Variants in ERBB4 observed in about 807,000 individuals in gnomAD.
ERBB4 encodes the protein erb-b2 receptor tyrosine kinase 4, also known as receptor tyrosine-protein kinase erbB-4.
In ERBB4, 42 loss-of-function variants were observed where a neutral mutation model predicts 158.0. That is an observed-to-expected ratio of 0.27 (90% CI 0.21 to 0.34). ERBB4 has a LOEUF of 0.34. ERBB4 is among the 10% of genes least tolerant of loss of function. ERBB4 has a pLI of 1.00. For synonymous variants in ERBB4, 583 were observed against 558.7 expected (o/e 1.04, Z -0.61); for missense variants, 1,333 against 1,624.1 (o/e 0.82, Z 3.08).
intron 2 of ERBB4, among the ~76,000 whole-genome samples, chr2:212,068,699 C>A (rs2078015696): frequency 6.6e-6 from 1 of 152,058 alleles, no homozygotes; most frequent in Non-Finnish European, 1.5e-5. Context: ...TCTCTGCTTT[C>A]TTCAGACCCT....
intron 1 of ERBB4, among the ~76,000 whole-genome samples, chr2:212,393,541 T>C (rs963674836): frequency 6.6e-6 from 1 of 152,116 alleles, no homozygotes; most frequent in African/African-American, 2.4e-5. Context: ...TTATTTACAT[T>C]ACTTCATTCT....
At chr2:212,329,732 C>A (rs2088041273) in intron 1 of ERBB4, among the ~76,000 whole-genome samples, 1 of 151,998 alleles carries the variant, frequency 6.6e-6, no homozygotes, top group South Asian at 2.1e-4. Flanking sequence ...CTTCTGCTGG[C>A]CTAGTGTCAC....
chr2:211,713,785 T>C, intron 7 of ERBB4, 137 bp from the exon 8 acceptor site: 1 of 643,424 alleles, frequency 1.6e-6, no homozygotes. Context: ...TAAACAACTC[T>C]TTGTTTAAAT....
At chr2:211,735,052 C>A (rs1441884899) in intron 5 of ERBB4, among the ~76,000 whole-genome samples, 1 of 151,568 alleles carries the variant, frequency 6.6e-6, no homozygotes, top group African/African-American at 2.4e-5. Flanking sequence ...AGAACAAAAT[C>A]CCACAACTTT....
At chr2:212,044,044 T>C (rs751752221) in intron 2 of ERBB4, among the ~76,000 whole-genome samples, 16 of 152,108 alleles carry the variant, frequency 1.1e-4, no homozygotes, top group Admixed American at 3.3e-4. Context: ...ATATTTGATC[T>C]GGAAAAGGTC....
intron 1 of ERBB4, among the ~76,000 whole-genome samples, chr2:212,179,492 T>C (rs1414526899): frequency 6.6e-6 from 1 of 151,452 alleles, no homozygotes; most frequent in East Asian, 1.9e-4. Context: ...GGTAGATAAA[T>C]TCTAGGAGAG....
chr2:212,537,538 C>A (rs1347255654), intron 1 of ERBB4, among the ~76,000 whole-genome samples: 1 of 152,188 alleles, frequency 6.6e-6, no homozygotes, highest in Non-Finnish European at 1.5e-5. Context: ...TCGAGCTCTC[C>A]AGCAAGCAGT....
In ERBB4 at chr2:211,988,946, C is replaced by T. The variant is rs144652031; in HGVS notation, c.235-41330G>A. On this transcript the variant is annotated intron_variant, in intron 2 of 27. Transcript: ENST00000342788. ...AATCTATTTTTTTCTAAAATGAAACCCCATGAATGAATTTTAACAGCATTT... is the reference window on the plus strand; with the variant it reads ...AATCTATTTTTTTCTAAAATGAAACTCCATGAATGAATTTTAACAGCATTT... Among the ~76,000 whole-genome samples, 9 of 151,970 alleles carry T rather than the reference C, an allele frequency of 5.9e-5. No individual in the cohort carries two copies. In the East Asian group the frequency reaches 1.7e-3, roughly 29 times the overall value.
chr2:211,546,171 T>A (rs1306410167), intron 20 of ERBB4, among the ~76,000 whole-genome samples: 1 of 152,034 alleles, frequency 6.6e-6, no homozygotes, highest in Non-Finnish European at 1.5e-5. Flanking sequence ...ATAATAGCTA[T>A]CAACATTCTA....
At chr2:212,163,466 C>T (rs2081261447) in intron 1 of ERBB4, among the ~76,000 whole-genome samples, 1 of 152,046 alleles carries the variant, frequency 6.6e-6, no homozygotes, top group Non-Finnish European at 1.5e-5. Context: ...CAACTAAACT[C>T]TTGATCTAAC....
intron 3 of ERBB4, among the ~76,000 whole-genome samples, chr2:211,865,276 C>T (rs1052856790): frequency 6.6e-6 from 1 of 151,240 alleles, no homozygotes; most frequent in Non-Finnish European, 1.5e-5. Flanking sequence ...TTGGAAAAAA[C>T]CTGTCCTGAC....
At chr2:211,795,929 A>G (rs1254547949) in intron 3 of ERBB4, among the ~76,000 whole-genome samples, 1 of 151,986 alleles carries the variant, frequency 6.6e-6, no homozygotes, top group Non-Finnish European at 1.5e-5. Context: ...TCTCTGTTAT[A>G]GTGACTCAAA....
intron 3 of ERBB4, among the ~76,000 whole-genome samples, chr2:211,901,585 C>T (rs568675465): frequency 1.4e-4 from 21 of 152,284 alleles, no homozygotes; most frequent in Middle Eastern, 6.8e-3. Context: ...GCCACCTCAC[C>T]ACTTGCACAT....
chr2:212,371,771 A>G (rs1169050632), intron 1 of ERBB4, among the ~76,000 whole-genome samples: 1 of 152,086 alleles, frequency 6.6e-6, no homozygotes, highest in Admixed American at 6.6e-5. Context: ...TTTGGCACTT[A>G]CTCCAAACCA....
chr2:211,450,328 C>A (rs761750839), intron 20 of ERBB4, among the ~76,000 whole-genome samples: 3 of 151,860 alleles, frequency 2.0e-5, no homozygotes, highest in Non-Finnish European at 4.4e-5. Context: ...TGATAAAAGT[C>A]CTTGGGATGT....
intron 20 of ERBB4, among the ~76,000 whole-genome samples, chr2:211,513,712 CG>C (rs1031209605): frequency 5.9e-5 from 9 of 151,524 alleles, no homozygotes; most frequent in East Asian, 5.8e-4. Context: ...CTTTGGCAGG[CG>C]CCCCCAACCC....
At chr2:211,413,309 A>AACAC (rs36108369) in intron 25 of ERBB4, among the ~76,000 whole-genome samples, 1,126 of 94,540 alleles carry the variant, frequency 0.012, 53 homozygotes, top group African/African-American at 0.032. Flanking sequence ...CTGTCTTAAA[A>AACAC]ACACACACAC....
At chr2:212,167,506 T>A (rs926167462) in intron 1 of ERBB4, among the ~76,000 whole-genome samples, 7 of 152,156 alleles carry the variant, frequency 4.6e-5, no homozygotes, top group African/African-American at 1.7e-4. Context: ...ATAAATTAAT[T>A]CTAACTATTA....
intron 12 of ERBB4, among the ~76,000 whole-genome samples, chr2:211,687,112 T>G (rs1206057035): frequency 7.0e-6 from 1 of 143,516 alleles, no homozygotes; most frequent in African/African-American, 2.6e-5. Flanking sequence ...TGGGCTAACA[T>G]GGTGAAACCC....
Sources: gnomAD v4.1 joint callset for allele counts (sites outside exome capture counted in the v4.1 genomes callset) on GRCh38, gnomAD v4.1.1 for gene constraint, MANE v1.5 for transcripts, NCBI Gene and HGNC (gene_info 2026-07-23, HGNC 2026-07-21) for gene names.